MROH9: variants seen among roughly 807,000 people sequenced by gnomAD.
MROH9 encodes the protein maestro heat-like repeat-containing protein family member 9.
A neutral mutation model predicts 98.2 loss-of-function variants in MROH9; 92 were observed. That is an observed-to-expected ratio of 0.94 (90% CI 0.79 to 1.11). The LOEUF is 1.11. MROH9 is among the 50% of genes most tolerant of loss of function. MROH9 has a pLI of 0.00. For missense variants in MROH9, 1,057 were observed against 1,014.8 expected, an observed-to-expected ratio of 1.04 and a Z score of -0.57; for synonymous variants, 397 against 368.9, an observed-to-expected ratio of 1.08 and a Z score of -0.87.
intron 1 of MROH9, among the ~76,000 whole-genome samples, chr1:170,939,001 C>T (rs1557865151): frequency 6.6e-6 from 1 of 152,220 alleles, no homozygotes; most frequent in Non-Finnish European, 1.5e-5. Context: ...TGGGTGATGA[C>T]ACTAGTGGCT....
intron 17 of MROH9, among the ~76,000 whole-genome samples, chr1:171,019,348 C>G (rs1323025778): frequency 6.6e-6 from 1 of 152,012 alleles, no homozygotes; most frequent in African/African-American, 2.4e-5. Flanking sequence ...CACTAAATGC[C>G]CATGTCATAA....
At chr1:170,953,282 C>A (rs1649625708) in intron 3 of MROH9, among the ~76,000 whole-genome samples, 1 of 151,908 alleles carries the variant, frequency 6.6e-6, no homozygotes, top group African/African-American at 2.4e-5. Flanking sequence ...TATATTCTCT[C>A]AGTATATGGT....
chr1:170,951,710 A>G (rs1227921891), intron 3 of MROH9, among the ~76,000 whole-genome samples: 1 of 152,108 alleles, frequency 6.6e-6, no homozygotes, highest in Non-Finnish European at 1.5e-5. Context: ...GGCTAGTATG[A>G]GAGGTTGATC....
intron 1 of MROH9, among the ~76,000 whole-genome samples, chr1:170,935,859 G>T (rs1459211610): frequency 6.6e-6 from 1 of 151,410 alleles, no homozygotes; most frequent in Non-Finnish European, 1.5e-5. Context: ...GGGTGTGGTG[G>T]CGGGTGCCTG....
intron 17 of MROH9, among the ~76,000 whole-genome samples, chr1:171,023,090 G>A (rs1652570841): frequency 6.6e-6 from 1 of 152,192 alleles, no homozygotes; most frequent in Non-Finnish European, 1.5e-5. Flanking sequence ...AGACTGACAT[G>A]GGAGGATTGC....
chr1:171,024,718 G>T lies in MROH9; in HGVS notation c.2131G>T (p.Glu711Ter). ...KWSTSRLLKD[E>*]NYSFEMVVLN... ...GTCAACATCACGTTTGCTCAAAGAT[G>T]AAAATTACAGTTTTGAGATGGTGGT... Residue 711 changes from glutamate to a stop codon, truncating the protein, a stop_gained, in exon 19 of 22, where the codon GAA becomes TAA. Transcript: ENST00000367759. LOFTEE classifies it high-confidence loss of function. The T allele has an allele frequency of 6.4e-7, 1 of 1,551,116 alleles. No homozygotes were observed. Among genetic ancestry groups the T allele is most frequent in the Non-Finnish European group, 8.7e-7 (1 of 1,146,670 alleles).
At chr1:170,999,150 C>G (rs1651696359) in intron 15 of MROH9, among the ~76,000 whole-genome samples, 1 of 151,542 alleles carries the variant, frequency 6.6e-6, no homozygotes. Flanking sequence ...CTTTAGTTGA[C>G]TATTTACAGG....
At chr1:171,062,079 A>G in intron 20 of MROH9, 53 bp from the exon 21 acceptor site, 1 of 1,157,986 alleles carries the variant, frequency 8.6e-7, no homozygotes, top group Non-Finnish European at 1.3e-6. Context: ...ACATCAGAAA[A>G]TGTATTTTCA....
chr1:170,977,791 C>T lies in MROH9; in HGVS notation c.617-5631C>T, dbSNP rs146380495. Among the ~76,000 whole-genome samples, 370 of 152,202 alleles carry T rather than the reference C, an allele frequency of 2.4e-3. 1 individual carries two copies. Among genetic ancestry groups the T allele is most frequent in the African/African-American group, 8.1e-3 (338 of 41,526 alleles). ...AAGGGACCTCAGCAGTGAGTGTGGC[C>T]AAGGATCTTTTACTTGTCTTCTGGA... On this transcript the variant is annotated intron_variant, in intron 8 of 21. Transcript: ENST00000367759.
At chr1:171,062,553 C>T (rs1037564102) in intron 21 of MROH9, among the ~76,000 whole-genome samples, 1 of 152,220 alleles carries the variant, frequency 6.6e-6, no homozygotes, top group Non-Finnish European at 1.5e-5. Context: ...CGTGACAGCA[C>T]TATTTACTGC....
intron 16 of MROH9, among the ~76,000 whole-genome samples, chr1:171,015,544 T>A (rs1461937672): frequency 6.6e-6 from 1 of 152,196 alleles, no homozygotes; most frequent in East Asian, 1.9e-4. Context: ...TTGCCTTTCT[T>A]TCTCTCTGGT....
intron 20 of MROH9, among the ~76,000 whole-genome samples, chr1:171,061,319 G>A (rs186380435): frequency 1.5e-3 from 227 of 152,168 alleles, no homozygotes; most frequent in Middle Eastern, 3.4e-3. Context: ...AGCAGTAACC[G>A]CTGAAGTGGA....
intron 21 of MROH9, 100 bp downstream of exon 21, chr1:171,062,294 A>G: frequency 1.3e-6 from 1 of 758,354 alleles, no homozygotes; most frequent in Non-Finnish European, 2.2e-6. Flanking sequence ...GTGCCAGGCC[A>G]GACAGGAAGA....
intron 16 of MROH9, 145 bp from the exon 17 acceptor site, chr1:171,016,018 C>T (rs1652310415): frequency 6.9e-6 from 3 of 436,316 alleles, no homozygotes; most frequent in Non-Finnish European, 1.2e-5. Flanking sequence ...AAAAAGTCAA[C>T]ATTTTTGAAA....
rs1654103485 is a variant in MROH9 at position 171,064,293 on chromosome 1, G to A, written c.2539G>A (p.Asp847Asn). The change falls in exon 22 of 22, where the codon GAC becomes AAC. Residue 847 changes from aspartate to asparagine, a missense_variant. Transcript: ENST00000367759. ...YNYNSPNGQI[D>N]SPTDSKDVKN... ...TTATAACTCACCCAATGGCCAGATA[G>A]ACAGTCCTACAGACAGTAAAGATGT... 1 of 1,550,916 alleles carries A rather than the reference G, an allele frequency of 6.4e-7. No individual in the cohort carries two copies. Among genetic ancestry groups the A allele is most frequent in the South Asian group, 1.2e-5 (1 of 83,992 alleles).
chr1:171,063,620 CTT>C (rs1207043415), intron 21 of MROH9, among the ~76,000 whole-genome samples: 1 of 152,118 alleles, frequency 6.6e-6, no homozygotes, highest in Non-Finnish European at 1.5e-5. Context: ...TGCTTTTTAA[CTT>C]TTTCACTTAC....
chr1:170,944,657 T>C (rs932701170), intron 1 of MROH9, among the ~76,000 whole-genome samples: 2 of 152,000 alleles, frequency 1.3e-5, no homozygotes, highest in African/African-American at 4.8e-5. Flanking sequence ...AATTTCAGGC[T>C]TTAAAATAAG....
At chr1:171,001,864 T>C (rs1651795316) in intron 15 of MROH9, among the ~76,000 whole-genome samples, 1 of 152,162 alleles carries the variant, frequency 6.6e-6, no homozygotes, top group Non-Finnish European at 1.5e-5. Context: ...ATTATTGTGT[T>C]GCTGTCTATC....
intron 16 of MROH9, chr1:171,015,051 A>T (rs571437878): frequency 2.1e-6 from 1 of 471,670 alleles, no homozygotes; most frequent in Non-Finnish European, 4.4e-6. Flanking sequence ...GTAATTCTAC[A>T]CTCCAAAGTA....
Sources: allele counts gnomAD v4.1 joint callset (sites outside exome capture counted in the v4.1 genomes callset), GRCh38; gene constraint gnomAD v4.1.1; transcripts MANE v1.5; gene names NCBI Gene and HGNC (gene_info 2026-07-23, HGNC 2026-07-21).